The following HECTD2 variants were observed in gnomAD, a reference collection of about 807,000 sequenced individuals.
HECTD2 encodes the protein HECT domain E3 ubiquitin protein ligase 2, also known as probable E3 ubiquitin-protein ligase HECTD2.
Under a neutral mutation model 103.2 loss-of-function variants are expected in HECTD2, and 35 were observed. The ratio of observed to expected loss-of-function variants is 0.34; its 90% CI spans 0.26 to 0.45. HECTD2 has a LOEUF of 0.45. Ranked by LOEUF, HECTD2 falls within the 20% of genes least tolerant of loss-of-function variation. HECTD2 has a pLI of 1.00. For synonymous variants in HECTD2, 281 were observed against 329.9 expected (o/e 0.85, Z 1.61); for missense variants, 596 against 937.4 (o/e 0.64, Z 4.76).
At chr10:91,450,910 G>C (rs1161495206) in intron 2 of HECTD2, among the ~76,000 whole-genome samples, 1 of 152,198 alleles carries the variant, frequency 6.6e-6, no homozygotes, top group Non-Finnish European at 1.5e-5. Flanking sequence ...CTTTTACACT[G>C]TTGGTGGGAG....
chr10:91,495,418 C>A (rs988405624), intron 14 of HECTD2, among the ~76,000 whole-genome samples: 8 of 151,924 alleles, frequency 5.3e-5, no homozygotes, highest in African/African-American at 1.9e-4. Context: ...TGGTGGTCTT[C>A]CAATTTTTAA....
intron 5 of HECTD2, among the ~76,000 whole-genome samples, chr10:91,467,165 G>T (rs1344138268): frequency 6.6e-6 from 1 of 151,868 alleles, no homozygotes. Context: ...AGTTGAACAG[G>T]CAAGGAGCAG....
intron 1 of HECTD2, among the ~76,000 whole-genome samples, chr10:91,412,010 A>T (rs1487848798): frequency 6.7e-6 from 1 of 148,982 alleles, no homozygotes; most frequent in African/African-American, 2.6e-5. Flanking sequence ...TCATCTCATA[A>T]CTGAAAAATT....
chr10:91,491,224 C>T lies in HECTD2; in HGVS notation c.1216C>T (p.Arg406Ter). The T allele has an allele frequency of 1.3e-6, 2 of 1,577,930 alleles. No individual in the cohort carries two copies. Among genetic ancestry groups the T allele is most frequent in the South Asian group, 1.1e-5 (1 of 87,986 alleles). Reference sequence around the variant, plus strand: ...GCAAAGTCTGGTGGATAAAGTATCTCGAAGACAGAGACCTGATATGAATAT... The same window carrying T: ...GCAAAGTCTGGTGGATAAAGTATCTTGAAGACAGAGACCTGATATGAATAT... ...ARQSLVDKVS[R>*]RQRPDMNILF... Residue 406 changes from arginine to a stop codon, truncating the protein, a stop_gained, in exon 12 of 21, where the codon CGA (arginine) becomes TGA (stop). Transcript: ENST00000298068. LOFTEE classifies it high-confidence loss of function.
At chr10:91,449,845 G>A (rs1844720955) in intron 2 of HECTD2, among the ~76,000 whole-genome samples, 1 of 152,112 alleles carries the variant, frequency 6.6e-6, no homozygotes, top group South Asian at 2.1e-4. Context: ...TCTTCAAGGA[G>A]AACTACAAAT....
intron 11 of HECTD2, 30 bp from the exon 12 acceptor site, chr10:91,491,170 G>T: frequency 8.6e-7 from 1 of 1,162,084 alleles, no homozygotes; most frequent in Non-Finnish European, 1.3e-6. Flanking sequence ...CTAAGTAAAA[G>T]CAAAACTGTT....
intron 1 of HECTD2, 104 bp downstream of exon 1, chr10:91,410,680 C>A: frequency 9.2e-7 from 1 of 1,087,230 alleles, no homozygotes; most frequent in Non-Finnish European, 1.2e-6. Flanking sequence ...CCTGGGCACG[C>A]CCTGGCACTC....
At chr10:91,500,967 G>A (rs1386126800) in intron 19 of HECTD2, among the ~76,000 whole-genome samples, 2 of 151,982 alleles carry the variant, frequency 1.3e-5, no homozygotes, top group Non-Finnish European at 2.9e-5. Flanking sequence ...AATGGTTCCT[G>A]TACTATCCAC....
At chr10:91,492,309 C>G (rs752358342) in intron 12 of HECTD2, 43 bp from the exon 13 acceptor site, 2 of 1,570,532 alleles carry the variant, frequency 1.3e-6, no homozygotes, top group South Asian at 2.3e-5. Context: ...ATTCTCTTTT[C>G]ACTGCTCTTT....
At chr10:91,431,696 T>C (rs1843882605) in intron 2 of HECTD2, among the ~76,000 whole-genome samples, 1 of 152,136 alleles carries the variant, frequency 6.6e-6, no homozygotes, top group African/African-American at 2.4e-5. Flanking sequence ...TCTGCATTCT[T>C]CACGTGGTTC....
At chr10:91,453,605 C>T (rs952122623) in intron 2 of HECTD2, among the ~76,000 whole-genome samples, 6 of 152,050 alleles carry the variant, frequency 3.9e-5, no homozygotes, top group Non-Finnish European at 7.4e-5. Flanking sequence ...AATTCTAAAA[C>T]ATGTTTAACC....
chr10:91,409,467 G>C (rs188624610), upstream of HECTD2: 4 of 152,836 alleles, frequency 2.6e-5, no homozygotes, highest in African/African-American at 7.2e-5. Flanking sequence ...GGAAGGGACG[G>C]ATAGGAGACA....
At chr10:91,489,136 A>G (rs1247933462) in intron 11 of HECTD2, 1 of 152,204 alleles carries the variant, frequency 6.6e-6, no homozygotes, top group Admixed American at 6.5e-5. Context: ...CTCACAGGAT[A>G]TCAAATATCT....
At chr10:91,431,942 A>G (rs1435374602) in intron 2 of HECTD2, among the ~76,000 whole-genome samples, 1 of 151,790 alleles carries the variant, frequency 6.6e-6, no homozygotes, top group Non-Finnish European at 1.5e-5. Context: ...AAGTTGGGGT[A>G]TTTGCATAAA....
chr10:91,419,890 C>T (rs1843281664), intron 1 of HECTD2, among the ~76,000 whole-genome samples: 1 of 152,152 alleles, frequency 6.6e-6, no homozygotes, highest in African/African-American at 2.4e-5. Context: ...ATAACGTATA[C>T]AAAACTCAGT....
chr10:91,434,671 G>A (rs1844041019), intron 2 of HECTD2, among the ~76,000 whole-genome samples: 2 of 151,820 alleles, frequency 1.3e-5, no homozygotes, highest in Admixed American at 6.6e-5. Context: ...CTACACCCAT[G>A]TGAATTTAGT....
intron 20 of HECTD2, among the ~76,000 whole-genome samples, chr10:91,508,070 T>G (rs1430924102): frequency 4.4e-5 from 5 of 112,586 alleles, no homozygotes; most frequent in South Asian, 2.8e-4. Flanking sequence ...GCTAGCCATA[T>G]GTAGAAAGCT....
chr10:91,501,947 T>G (rs1846917473), intron 20 of HECTD2, among the ~76,000 whole-genome samples: 1 of 152,114 alleles, frequency 6.6e-6, no homozygotes, highest in South Asian at 2.1e-4. Flanking sequence ...TTATAATCAT[T>G]TTTGTCTCCT....
At chr10:91,453,468 G>A (rs550270460) in intron 2 of HECTD2, among the ~76,000 whole-genome samples, 23 of 152,244 alleles carry the variant, frequency 1.5e-4, no homozygotes, top group Non-Finnish European at 2.8e-4. Context: ...GGATGGTAAG[G>A]GAGGTAGGAT....
Sources: gnomAD v4.1 joint callset for allele counts (sites outside exome capture counted in the v4.1 genomes callset) on GRCh38, gnomAD v4.1.1 for gene constraint, MANE v1.5 for transcripts, NCBI Gene and HGNC (gene_info 2026-07-23, HGNC 2026-07-21) for gene names.